Variants in ZFP64 observed in about 807,000 individuals in gnomAD.
ZFP64 encodes the protein zinc finger protein 64.
Under a neutral mutation model 51.6 loss-of-function variants are expected in ZFP64, and 14 were observed. That is an observed-to-expected ratio of 0.27 (90% CI 0.18 to 0.42). The LOEUF (loss-of-function observed/expected upper bound fraction) is 0.42. Ranked by LOEUF, ZFP64 falls within the 10% of genes least tolerant of loss-of-function variation. The pLI is 1.00. For missense variants in ZFP64, 754 were observed against 906.8 expected, an observed-to-expected ratio of 0.83 and a Z score of 2.16; for synonymous variants, 375 against 361.4, an observed-to-expected ratio of 1.04 and a Z score of -0.43.
At position 52,119,533 on chromosome 20, in the gene ZFP64, A is replaced by ATATATATATATATATATATATAT. The variant is rs1555802531; in HGVS notation, c.764-20947_764-20946insATATATATATATATATATATATA. Among the ~76,000 whole-genome samples the ATATATATATATATATATATATAT allele has an allele frequency of 6.7e-5, 6 of 89,830 alleles. 1 individual carries two copies. Among genetic ancestry groups the ATATATATATATATATATATATAT allele is most frequent in the African/African-American group, 2.8e-4 (6 of 21,092 alleles). 58.9% of individuals were successfully genotyped at this position (89,830 alleles called of 152,430 possible). Reference sequence around the variant, plus strand: ...TGAGACTTCATCTAAAAAAAAAAAAAATATATATATATATATATATACATA... The same window carrying ATATATATATATATATATATATAT: ...TGAGACTTCATCTAAAAAAAAAAAAATATATATATATATATATATATATATATATATATATATATATATACATA... On this transcript the variant is annotated intron_variant, in intron 5 of 8. Coordinates refer to the ZFP64 transcript ENST00000361387.
chr20:52,157,560 C>T (rs1981416837), intron 5 of ZFP64, among the ~76,000 whole-genome samples: 3 of 152,190 alleles, frequency 2.0e-5, no homozygotes, highest in Admixed American at 6.5e-5. Context: ...CAAGGCCTAA[C>T]CAAGAAACAT....
chr20:52,165,017 A>G, intron 3 of ZFP64: 1 of 607,690 alleles, frequency 1.6e-6, no homozygotes, highest in South Asian at 1.5e-5. Context: ...GACAAAAATC[A>G]CTGGCCTATA....
intron 2 of ZFP64, among the ~76,000 whole-genome samples, chr20:52,182,674 G>T (rs565741662): frequency 6.6e-6 from 1 of 152,258 alleles, no homozygotes; most frequent in African/African-American, 2.4e-5. Context: ...AGCCATGACT[G>T]CACTACTGAA....
intron 1 of ZFP64, among the ~76,000 whole-genome samples, chr20:52,189,688 G>A (rs1278294515): frequency 6.6e-6 from 1 of 151,892 alleles, no homozygotes; most frequent in African/African-American, 2.4e-5. Flanking sequence ...TGGTCAGGCT[G>A]GTCTTGAACT....
chr20:52,171,977 C>T (rs1982778525), intron 2 of ZFP64, among the ~76,000 whole-genome samples: 2 of 152,064 alleles, frequency 1.3e-5, no homozygotes, highest in Admixed American at 6.6e-5. Context: ...CACACTCCTG[C>T]CTCAGGTGAT....
intron 5 of ZFP64, among the ~76,000 whole-genome samples, chr20:52,104,311 C>G (rs2079085972): frequency 6.6e-6 from 1 of 152,322 alleles, no homozygotes; most frequent in East Asian, 1.9e-4. Context: ...CTCCCGCAGG[C>G]TCTTCTGAAG....
intron 2 of ZFP64, among the ~76,000 whole-genome samples, chr20:52,170,853 C>G (rs1019134242): frequency 5.9e-5 from 9 of 152,116 alleles, no homozygotes. Flanking sequence ...AGCTGACACT[C>G]TAGTTAGGAG....
At chr20:52,167,431 T>TAA (rs1315091328) in intron 2 of ZFP64, among the ~76,000 whole-genome samples, 1 of 84,160 alleles carries the variant, frequency 1.2e-5, no homozygotes, top group African/African-American at 4.8e-5. Context: ...AGTGACTACT[T>TAA]TGTTAACTAC....
chr20:52,153,177 A>G lies in ZFP64; in HGVS notation c.1015T>C (p.Ser339Pro). ...TLRKHSRVHQ[S>P]EHPEKCSECS... is the part of the protein sequence containing the mutation. ...TCCGAGCACTTCTCAGGATGCTCCG[A>G]CTGGTGCACGCGGCTGTGCTTCCGG... The change falls in exon 6 of 6, where the codon TCG becomes CCG. Residue 339 changes from serine (S) to proline (P), a missense_variant. Physicochemically the swap from Ser to Pro is moderately conservative, Grantham distance 74 (BLOSUM62 -1). Around this residue, in one of 3 missense-constraint regions of ZFP64, gnomAD observed 428 missense variants for 472.4 expected, o/e 0.91. Transcript: ENST00000216923. The surrounding 1 kb of genome is among the most constrained non-coding windows in gnomAD (Gnocchi z 5.1). 2 of 1,614,152 alleles carry G rather than the reference A, an allele frequency of 1.2e-6. No individual in the cohort carries two copies. The highest frequency in any genetic ancestry group is 1.7e-6 in the Non-Finnish European group (2 of 1,180,022).
chr20:52,176,167 A>G (rs1983195427), intron 2 of ZFP64: 1 of 158,878 alleles, frequency 6.3e-6, no homozygotes, highest in African/African-American at 2.4e-5. Flanking sequence ...TATGACCCAG[A>G]CTGAGGTGGG....
In ZFP64 at chr20:52,135,442, C is replaced by A. The variant is rs76211221; in HGVS notation, c.763+24681G>T. 7.1e-4 allele frequency among the ~76,000 whole-genome samples: 108 copies of A among 152,274 alleles called. 2 individuals are homozygous for A. The East Asian group carries it at 0.019, about 27-fold the overall frequency. ...TGATTCCTGCTCTATGGCAAAAGGTCTGCAAATTGGGAGTTTTGTACTATG... is the reference window on the plus strand; with the variant it reads ...TGATTCCTGCTCTATGGCAAAAGGTATGCAAATTGGGAGTTTTGTACTATG... On this transcript the variant is annotated intron_variant, in intron 5 of 8. Coordinates refer to the ZFP64 transcript ENST00000361387.
rs551674516 is a variant in ZFP64, at chr20:52,129,265, C to CTT, written c.764-30680_764-30679dup. Among the ~76,000 whole-genome samples the CTT allele has an allele frequency of 1.5e-3, 219 of 143,318 alleles. 1 individual carries two copies. Among genetic ancestry groups the CTT allele is most frequent in the African/African-American group, 5.4e-3 (211 of 39,258 alleles). 94.0% of individuals were successfully genotyped at this position (143,318 alleles called of 152,430 possible). ...CCCGGTGAATTTTTTTTCTTTTTTT[C>CTT]TTTTTTTTTTTGTATTTTTAGTAGA... On this transcript the variant is annotated intron_variant, in intron 5 of 8. Transcript: ENST00000361387.
intron 2 of ZFP64, among the ~76,000 whole-genome samples, chr20:52,183,607 C>T (rs908742438): frequency 2.6e-5 from 4 of 152,118 alleles, no homozygotes; most frequent in African/African-American, 9.7e-5. Flanking sequence ...CTGGTTTTCA[C>T]CTTTTCTTGG....
At chr20:52,110,955 C>T (rs1978530426) in intron 5 of ZFP64, 1 of 1,548,248 alleles carries the variant, frequency 6.5e-7, no homozygotes, top group Non-Finnish European at 8.9e-7. Flanking sequence ...GGGTGTTGAA[C>T]TTCACCAAGA....
At chr20:52,135,326 C>T (rs1235775752) in intron 5 of ZFP64, among the ~76,000 whole-genome samples, 1 of 152,172 alleles carries the variant, frequency 6.6e-6, no homozygotes, top group Non-Finnish European at 1.5e-5. Context: ...TTCCCTGCTA[C>T]CCCAGTGGGG....
chr20:52,115,797 C>G lies in ZFP64; in HGVS notation c.764-17210G>C, dbSNP rs563569300. ...AGAACCTAAATTTCTCTCTCTCTCT[C>G]TCTCTCTGTGTGTGTGAACATTATG... is the stretch of plus-strand genomic sequence containing the variant. On this transcript the variant is annotated intron_variant, in intron 5 of 8. Transcript: ENST00000361387. 2.0e-4 allele frequency among the ~76,000 whole-genome samples: 29 copies of G among 145,534 alleles called. No homozygotes were observed. The South Asian group carries it at 6.5e-3, about 32-fold the overall frequency.
intron 5 of ZFP64, among the ~76,000 whole-genome samples, chr20:52,113,422 C>CA (rs1978700972): frequency 1.0e-5 from 1 of 96,528 alleles, no homozygotes; most frequent in South Asian, 3.3e-4. Flanking sequence ...GCCAGGAATT[C>CA]TTTTTTTTTT....
downstream of ZFP64, among the ~76,000 whole-genome samples, chr20:52,149,538 T>C (rs1980688570): frequency 6.6e-6 from 1 of 152,214 alleles, no homozygotes; most frequent in Non-Finnish European, 1.5e-5. Context: ...TTCTATGTTA[T>C]CTTTTGAGTC....
At chr20:52,174,947 T>C (rs899194559) in intron 2 of ZFP64, among the ~76,000 whole-genome samples, 8 of 152,180 alleles carry the variant, frequency 5.3e-5, no homozygotes, top group African/African-American at 1.9e-4. Flanking sequence ...TTAACTTGCA[T>C]TTCCTTTACA....
Sources: allele counts gnomAD v4.1 joint callset (sites outside exome capture counted in the v4.1 genomes callset), GRCh38; gene constraint gnomAD v4.1.1; regional missense constraint gnomAD v4.1.1; non-coding constraint Gnocchi (gnomAD v3.1); transcripts MANE v1.5; gene names NCBI Gene and HGNC (gene_info 2026-07-23, HGNC 2026-07-21).